INPP5A: variants seen among roughly 807,000 people sequenced by gnomAD.
INPP5A encodes the protein inositol polyphosphate-5-phosphatase A, also known as 43 kDa inositol polyphosphate 5-phophatase.
Under a neutral mutation model 65.2 loss-of-function variants are expected in INPP5A, and 14 were observed. The observed-to-expected ratio is 0.21, with a 90% confidence interval of 0.14 to 0.34. The LOEUF is 0.34. Ranked by LOEUF, INPP5A falls within the 10% of genes least tolerant of loss-of-function variation. The probability of loss-of-function intolerance (pLI) is 1.00; values close to 1 mark genes in which losing one functional copy is unlikely to be tolerated. For synonymous variants in INPP5A, 207 were observed against 208.3 expected, an observed-to-expected ratio of 0.99 and a Z score of 0.05; for missense variants, 431 against 545.6, an observed-to-expected ratio of 0.79 and a Z score of 2.09.
intron 5 of INPP5A, among the ~76,000 whole-genome samples, chr10:132,696,965 C>A (rs907797054): frequency 6.6e-6 from 1 of 152,228 alleles, no homozygotes; most frequent in East Asian, 1.9e-4. Context: ...GTTCCTCCTG[C>A]CATAGTGGGG....
In INPP5A at chr10:132,674,250, A is replaced by C. The variant is rs1260375384; in HGVS notation, c.307-16142A>C. Among the ~76,000 whole-genome samples, 1 of 152,180 alleles carries C rather than the reference A, an allele frequency of 6.6e-6. No individual in the cohort carries two copies. The highest frequency in any genetic ancestry group is 2.4e-5 in the African/African-American group (1 of 41,436). ...CAATCATGCTTCTTCCAAGTCCCTG[A>C]CCATCCAGCCAAACCATTGGCTACG... On this transcript the variant is annotated intron_variant, in intron 4 of 15. Transcript: ENST00000368594. The surrounding 1 kb of genome is among the most constrained non-coding windows in gnomAD (Gnocchi z 4.4).
chr10:132,752,889 A>G (rs559881919), intron 11 of INPP5A, among the ~76,000 whole-genome samples: 1 of 152,042 alleles, frequency 6.6e-6, no homozygotes, highest in East Asian at 1.9e-4. Flanking sequence ...TATTTGAGAG[A>G]ACTTTTGGAT....
At chr10:132,694,727 C>T (rs541647223) in intron 5 of INPP5A, among the ~76,000 whole-genome samples, 3 of 152,202 alleles carry the variant, frequency 2.0e-5, no homozygotes, top group Non-Finnish European at 4.4e-5. Context: ...ACTGCCGATC[C>T]TGTGGACATT....
At chr10:132,669,333 C>T (rs552482685) in intron 4 of INPP5A, among the ~76,000 whole-genome samples, 9 of 152,308 alleles carry the variant, frequency 5.9e-5, no homozygotes, top group South Asian at 2.1e-4. Flanking sequence ...CAGGTGTTGC[C>T]GGGCCAGGCC....
At position 132,761,097 on chromosome 10, in the gene INPP5A, G is replaced by A. The variant is rs913189; in HGVS notation, c.904-4676G>A. ...AAATGTGCTGGGACCGCCAGGCTTC[G>A]TGCCACGTCTGGTTCGACCTCGACT... On this transcript the variant is annotated intron_variant, in intron 11 of 15. Coordinates refer to ENST00000368594, the MANE Select transcript of INPP5A (RefSeq NM_005539.5). Among the ~76,000 whole-genome samples the A allele has an allele frequency of 1.6e-3, 248 of 152,326 alleles. 8 individuals carry two copies. In the East Asian group the frequency reaches 0.045, roughly 28 times the overall value.
chr10:132,711,946 T>C (rs977781210), intron 8 of INPP5A, among the ~76,000 whole-genome samples: 3 of 152,122 alleles, frequency 2.0e-5, no homozygotes, highest in African/African-American at 7.2e-5. Flanking sequence ...GAGCAGTCCA[T>C]GTGGAGGGGT....
intron 1 of INPP5A, among the ~76,000 whole-genome samples, chr10:132,544,316 C>G (rs1457977224): frequency 1.3e-5 from 2 of 152,248 alleles, no homozygotes; most frequent in African/African-American, 4.8e-5. Context: ...GGGGCGTCCT[C>G]ATTTCGGAGG....
At chr10:132,767,492 GTCC>G (rs1178022546) in intron 12 of INPP5A, among the ~76,000 whole-genome samples, 1 of 152,178 alleles carries the variant, frequency 6.6e-6, no homozygotes, top group Non-Finnish European at 1.5e-5. Flanking sequence ...CAGGCCTCTC[GTCC>G]TCCTCACGAG....
At chr10:132,723,004 A>G (rs935541720) in intron 8 of INPP5A, among the ~76,000 whole-genome samples, 16 of 152,210 alleles carry the variant, frequency 1.1e-4, no homozygotes, top group African/African-American at 2.9e-4. Context: ...CGGCCGTGAC[A>G]GCCCCTTCGT....
At chr10:132,780,944 A>G in intron 14 of INPP5A, 27 bp downstream of exon 14, 1 of 814,846 alleles carries the variant, frequency 1.2e-6, no homozygotes, top group Non-Finnish European at 1.7e-6. Flanking sequence ...TCCAGGGGCC[A>G]GGCTGGGGGA....
At chr10:132,686,283 C>G (rs182268049) in intron 4 of INPP5A, among the ~76,000 whole-genome samples, 147 of 152,380 alleles carry the variant, frequency 9.6e-4, no homozygotes, top group African/African-American at 3.3e-3. Context: ...GTCTGCAGTC[C>G]TCGCAGAAGC....
chr10:132,776,390 G>C (rs1461616923), intron 12 of INPP5A, among the ~76,000 whole-genome samples: 2 of 150,928 alleles, frequency 1.3e-5, no homozygotes. Flanking sequence ...TTGGGCACAG[G>C]GCCCACAGGC....
chr10:132,682,167 G>A (rs1048505357), intron 4 of INPP5A, among the ~76,000 whole-genome samples: 41 of 106,140 alleles, frequency 3.9e-4, no homozygotes, highest in Non-Finnish European at 2.2e-4. Context: ...GTGGGAAGGT[G>A]GACAGCGTCC....
At chr10:132,717,023 T>C (rs1445223887) in intron 8 of INPP5A, among the ~76,000 whole-genome samples, 1 of 152,142 alleles carries the variant, frequency 6.6e-6, no homozygotes, top group Non-Finnish European at 1.5e-5. Context: ...AAGGCTGAGG[T>C]CCAGAGGCCA....
At chr10:132,634,319 G>T (rs1663980484) in intron 2 of INPP5A, among the ~76,000 whole-genome samples, 1 of 150,592 alleles carries the variant, frequency 6.6e-6, no homozygotes, top group Admixed American at 6.6e-5. Context: ...CCCCGGAGAG[G>T]CGTATCATCT....
At chr10:132,669,521 G>C (rs576261890) in intron 4 of INPP5A, among the ~76,000 whole-genome samples, 1 of 152,308 alleles carries the variant, frequency 6.6e-6, no homozygotes, top group African/African-American at 2.4e-5. Context: ...ACAGCTGCTC[G>C]AGGAGGCCCC....
intron 2 of INPP5A, among the ~76,000 whole-genome samples, chr10:132,640,959 C>T (rs1412754880): frequency 6.6e-6 from 1 of 152,158 alleles, no homozygotes; most frequent in Non-Finnish European, 1.5e-5. Context: ...GTTTTTCCGC[C>T]GGGATGCTCT....
rs139751358 is a variant in INPP5A, at chr10:132,613,404, G to A, written c.117+5448G>A. ...AAAGGTGGGCAGGGCTCTTGGAGGT[G>A]GACAGCAGCACCTGGCGTCCTTTCT... On this transcript the variant is annotated intron_variant, in intron 2 of 15. Coordinates refer to ENST00000368594, the MANE Select transcript of INPP5A (RefSeq NM_005539.5). Among the ~76,000 whole-genome samples the A allele has an allele frequency of 3.5e-4, 54 of 152,322 alleles. 1 individual carries two copies. Among genetic ancestry groups the A allele is most frequent in the African/African-American group, 1.3e-3 (54 of 41,586 alleles).
intron 2 of INPP5A, 24 bp from the exon 3 acceptor site, chr10:132,645,844 G>T: frequency 2.5e-6 from 4 of 1,585,044 alleles, no homozygotes; most frequent in Non-Finnish European, 3.5e-6. Flanking sequence ...CGACGACCCT[G>T]ACAGTGTGCT....
Sources: allele counts gnomAD v4.1 joint callset (sites outside exome capture counted in the v4.1 genomes callset), GRCh38; gene constraint gnomAD v4.1.1; non-coding constraint Gnocchi (gnomAD v3.1); transcripts MANE v1.5; gene names NCBI Gene and HGNC (gene_info 2026-07-23, HGNC 2026-07-21).